PLCB1: variants seen among roughly 807,000 people sequenced by gnomAD.
PLCB1 encodes the protein 1-phosphatidylinositol 4,5-bisphosphate phosphodiesterase beta-1.
In PLCB1, 46 loss-of-function variants were observed where a neutral mutation model predicts 161.8. The ratio of observed to expected loss-of-function variants is 0.28; its 90% CI spans 0.22 to 0.36. PLCB1 has a LOEUF of 0.36. Among genes scored for constraint, PLCB1 ranks in the 10% least tolerant of loss-of-function variants. The probability of loss-of-function intolerance (pLI) is 1.00; values close to 1 mark genes in which losing one functional copy is unlikely to be tolerated. For missense variants in PLCB1, 1,016 were observed against 1,472.5 expected (o/e 0.69, Z 5.07); for synonymous variants, 517 against 503.7 (o/e 1.03, Z -0.35).
chr20:8,215,854 A>T (rs965284050), intron 2 of PLCB1, among the ~76,000 whole-genome samples: 2 of 151,732 alleles, frequency 1.3e-5, no homozygotes, highest in African/African-American at 2.4e-5. Context: ...ATGTATGTAT[A>T]TATATTTATA....
At chr20:8,455,623 G>A (rs1981280982) in intron 3 of PLCB1, among the ~76,000 whole-genome samples, 1 of 151,634 alleles carries the variant, frequency 6.6e-6, no homozygotes, top group East Asian at 2.0e-4. Flanking sequence ...TGTATTTTTA[G>A]TAGAGACAGG....
chr20:8,239,294 A>G (rs1282741454), intron 2 of PLCB1, among the ~76,000 whole-genome samples: 3 of 152,032 alleles, frequency 2.0e-5, no homozygotes, highest in Admixed American at 6.6e-5. Flanking sequence ...AAAGTCATCA[A>G]CAAGCCTTCT....
chr20:8,739,409 C>A, intron 21 of PLCB1, 49 bp downstream of exon 21: 2 of 1,088,314 alleles, frequency 1.8e-6, no homozygotes, highest in Non-Finnish European at 1.4e-6. Context: ...CAAAGAAAAT[C>A]ATTACTGCTT....
rs962978519 is a variant in PLCB1, at chr20:8,223,872, C to T, written c.177+73501C>T. Among the ~76,000 whole-genome samples, 5 of 152,178 alleles carry T rather than the reference C, an allele frequency of 3.3e-5. No individual in the cohort carries two copies. In the South Asian group the frequency reaches 6.2e-4, roughly 19 times the overall value. ...AGTGGGATAATTGGCCTCACCCCTA[C>T]AGTGCTTGCTTGGCGTCTAGCAATT... On this transcript the variant is annotated intron_variant, in intron 2 of 31. Coordinates refer to ENST00000338037, the MANE Select transcript of PLCB1 (RefSeq NM_015192.4).
intron 16 of PLCB1, among the ~76,000 whole-genome samples, chr20:8,727,095 T>C (rs1979979567): frequency 6.6e-6 from 1 of 151,984 alleles, no homozygotes; most frequent in South Asian, 2.1e-4. Flanking sequence ...CTGACCCAAG[T>C]AGCAAACGTT....
At chr20:8,151,950 A>G (rs1434775096) in intron 2 of PLCB1, among the ~76,000 whole-genome samples, 2 of 152,200 alleles carry the variant, frequency 1.3e-5, no homozygotes, top group Admixed American at 6.5e-5. Flanking sequence ...GTTTAGGACC[A>G]AAGGCTCTTT....
In PLCB1 at chr20:8,844,678, G is replaced by C. The variant is rs568224282; in HGVS notation, c.3424-36944G>C. ...AACAACCTTTTAACAAACTAATGTG[G>C]TGCCAGTGTCAATAGGTATGAGTAA... On this transcript the variant is annotated intron_variant, in intron 31 of 31. Transcript: ENST00000338037. Among the ~76,000 whole-genome samples, 10 of 152,276 alleles carry C rather than the reference G, an allele frequency of 6.6e-5. No individual in the cohort carries two copies. In the East Asian group the frequency reaches 1.9e-3, roughly 29 times the overall value.
At chr20:8,345,092 GT>G (rs1286749398) in intron 2 of PLCB1, among the ~76,000 whole-genome samples, 2 of 152,158 alleles carry the variant, frequency 1.3e-5, no homozygotes, top group African/African-American at 4.8e-5. Context: ...TTTTTGAAAA[GT>G]AAAGAAGCTT....
At chr20:8,814,072 T>C (rs1271238510) in intron 31 of PLCB1, among the ~76,000 whole-genome samples, 1 of 152,216 alleles carries the variant, frequency 6.6e-6, no homozygotes, top group Non-Finnish European at 1.5e-5. Flanking sequence ...TTTCTTTTTA[T>C]TTAAATTTTG....
At chr20:8,644,104 G>T (rs1429538501) in intron 4 of PLCB1, among the ~76,000 whole-genome samples, 1 of 151,986 alleles carries the variant, frequency 6.6e-6, no homozygotes, top group Non-Finnish European at 1.5e-5. Context: ...GTGCTCAATG[G>T]TGCCCAGGCT....
intron 31 of PLCB1, among the ~76,000 whole-genome samples, chr20:8,846,496 T>C (rs1986696269): frequency 6.6e-6 from 1 of 152,132 alleles, no homozygotes. Context: ...ATGCAGATTT[T>C]AATAGAGTAG....
At chr20:8,554,967 C>T (rs1458650299) in intron 3 of PLCB1, among the ~76,000 whole-genome samples, 2 of 151,938 alleles carry the variant, frequency 1.3e-5, no homozygotes, top group Non-Finnish European at 2.9e-5. Context: ...ATGTTAGAAA[C>T]TTAAAAATAA....
At chr20:8,249,967 G>A (rs1981056821) in intron 2 of PLCB1, among the ~76,000 whole-genome samples, 1 of 151,930 alleles carries the variant, frequency 6.6e-6, no homozygotes, top group Non-Finnish European at 1.5e-5. Context: ...GAGGAACTGA[G>A]GCTCAAGCCT....
intron 3 of PLCB1, among the ~76,000 whole-genome samples, chr20:8,568,078 TATCA>T (rs2123042330): frequency 6.6e-6 from 1 of 152,288 alleles, no homozygotes; most frequent in Non-Finnish European, 1.5e-5. Context: ...CTTCTTGTAT[TATCA>T]ATCCTTAAAA....
intron 2 of PLCB1, among the ~76,000 whole-genome samples, chr20:8,361,404 A>G (rs1246024472): frequency 6.6e-6 from 1 of 152,150 alleles, no homozygotes; most frequent in African/African-American, 2.4e-5. Flanking sequence ...GTCTTCATTT[A>G]ATATCTAGGG....
chr20:8,151,529 C>A (rs141317184), intron 2 of PLCB1, among the ~76,000 whole-genome samples: 2,171 of 152,240 alleles, frequency 0.014, 58 homozygotes, highest in African/African-American at 0.049. Flanking sequence ...ACAGACCCTA[C>A]GCTAATGTCA....
chr20:8,533,832 G>A (rs552372339), intron 3 of PLCB1, among the ~76,000 whole-genome samples: 5 of 152,144 alleles, frequency 3.3e-5, no homozygotes, highest in African/African-American at 1.2e-4. Flanking sequence ...CACTCTGATG[G>A]TAGTTTCTTT....
chr20:8,581,856 T>C (rs1319976150), intron 3 of PLCB1, among the ~76,000 whole-genome samples: 4 of 152,184 alleles, frequency 2.6e-5, no homozygotes, highest in African/African-American at 4.8e-5. Flanking sequence ...GTATGGAAAA[T>C]GAATCCAAAT....
chr20:8,228,039 A>G (rs1004373994), intron 2 of PLCB1, among the ~76,000 whole-genome samples: 5 of 152,172 alleles, frequency 3.3e-5, no homozygotes, highest in Non-Finnish European at 7.3e-5. Flanking sequence ...TGTGAAAAAT[A>G]AAAGTCGAAT....
Sources: gnomAD v4.1 joint callset for allele counts (sites outside exome capture counted in the v4.1 genomes callset) on GRCh38, gnomAD v4.1.1 for gene constraint, MANE v1.5 for transcripts, NCBI Gene and HGNC (gene_info 2026-07-23, HGNC 2026-07-21) for gene names.